SSUH2: variants seen among roughly 807,000 people sequenced by gnomAD.
SSUH2 encodes the protein protein SSUH2 homolog.
Under a neutral mutation model 55.3 loss-of-function variants are expected in SSUH2, and 47 were observed. That is an observed-to-expected ratio of 0.85 (90% confidence interval 0.67 to 1.08). The LOEUF (loss-of-function observed/expected upper bound fraction) is 1.08. Among genes scored for constraint, SSUH2 ranks in the 50% least tolerant of loss-of-function variants. SSUH2 has a pLI of 0.00. For synonymous variants in SSUH2, 212 were observed against 191.5 expected (o/e 1.11, Z -0.89); for missense variants, 535 against 490.7 (o/e 1.09, Z -0.85).
chr3:8,653,830 A>C (rs1337871104), intron 7 of SSUH2, among the ~76,000 whole-genome samples: 1 of 152,240 alleles, frequency 6.6e-6, no homozygotes, highest in Non-Finnish European at 1.5e-5. Flanking sequence ...GATCGGGAAC[A>C]GAACATGACC....
intron 5 of SSUH2, among the ~76,000 whole-genome samples, chr3:8,668,676 C>CTT (rs1334458365): frequency 1.3e-5 from 2 of 152,132 alleles, no homozygotes; most frequent in East Asian, 3.9e-4. Context: ...TCTTTTCAGC[C>CTT]TTTCACTGAA....
chr3:8,635,349 G>A lies in SSUH2; in HGVS notation c.160C>T (p.Pro54Ser), dbSNP rs1056129746. 1.3e-6 allele frequency: 2 copies of A among 1,535,938 alleles called. No individual in the cohort carries two copies. The highest frequency in any genetic ancestry group is 1.7e-6 in the Non-Finnish European group (2 of 1,146,866). Residue 54 changes from proline to serine, a missense_variant, in exon 3 of 12, where the codon CCA (proline) becomes TCA (serine). Pro to Ser is a moderately conservative substitution (Grantham distance 74, BLOSUM62 -1). Coordinates refer to ENST00000544814, the MANE Select transcript of SSUH2 (RefSeq NM_001256748.3). ...GACCTTTGCTCCTGGGGCCTCCCTG[G>A]GGCCTCCAAAGGTGGGAAGAATATC... ...GQIFFPPLEA[P>S]GRPQEQRSWP...
At chr3:8,623,688 T>A in intron 10 of SSUH2, 32 bp from the exon 11 acceptor site, 4 of 1,194,324 alleles carry the variant, frequency 3.3e-6, no homozygotes, top group Non-Finnish European at 4.7e-6. Context: ...ACAGACCACC[T>A]GGCTGCCGCA....
chr3:8,629,685 G>A lies in SSUH2; in HGVS notation c.567C>T (p.Ser189=), dbSNP rs780860039. 17 of 1,234,742 alleles carry A rather than the reference G, an allele frequency of 1.4e-5. No individual in the cohort carries two copies. Among genetic ancestry groups the A allele is most frequent in the African/African-American group, 2.8e-5 (2 of 70,772 alleles). 76.5% of individuals were successfully genotyped at this position (1,234,742 alleles called of 1,614,324 possible). A position where few individuals can be genotyped will look rare whatever the true frequency, so the allele number is the denominator to read the frequency against. Residue 189 remains serine, a synonymous_variant, in exon 7 of 12, where the codon AGC becomes AGT. Transcript: ENST00000544814. ...KCHGRGRYKC[S]GCHGAGTVRC... is the part of the protein sequence containing the mutation. ...TCACCGTGCCCGCCCCGTGGCAGCC[G>A]CTGCACTTGTACCGCCCACGCCCAT... is the stretch of plus-strand genomic sequence containing the variant.
At chr3:8,622,197 T>A (rs1255369205) in intron 11 of SSUH2, among the ~76,000 whole-genome samples, 1 of 152,132 alleles carries the variant, frequency 6.6e-6, no homozygotes, top group Non-Finnish European at 1.5e-5. Context: ...TTAGCATGAA[T>A]CTTTGTTACA....
At chr3:8,636,356 G>A (rs1699925890) in intron 1 of SSUH2, among the ~76,000 whole-genome samples, 1 of 152,084 alleles carries the variant, frequency 6.6e-6, no homozygotes, top group South Asian at 2.1e-4. Context: ...AGGTCCAGTT[G>A]AGTCCAGCCT....
chr3:8,638,926 G>A (rs958395229), intron 1 of SSUH2, among the ~76,000 whole-genome samples: 1 of 152,168 alleles, frequency 6.6e-6, no homozygotes, highest in African/African-American at 2.4e-5. Context: ...GCAATGTCCT[G>A]CTGGAAACCA....
intron 1 of SSUH2, among the ~76,000 whole-genome samples, chr3:8,636,811 G>GGGTGA (rs1169956063): frequency 2.0e-5 from 3 of 152,130 alleles, no homozygotes; most frequent in Admixed American, 6.5e-5. Context: ...TCTGCTTCAT[G>GGGTGA]GGTGACCCAA....
intron 1 of SSUH2, among the ~76,000 whole-genome samples, chr3:8,640,734 T>C (rs1232919179): frequency 1.3e-5 from 2 of 152,008 alleles, no homozygotes; most frequent in Non-Finnish European, 2.9e-5. Context: ...GAAAAAATAT[T>C]TGGGGAAGCA....
At chr3:8,647,904 T>G (rs1156899048), upstream of SSUH2, among the ~76,000 whole-genome samples, 6 of 152,196 alleles carry the variant, frequency 3.9e-5, no homozygotes, top group East Asian at 1.2e-3. Context: ...GAATCAAGTA[T>G]GGAGTGGAGG....
intron 8 of SSUH2, chr3:8,626,867 T>C (rs1027670044): frequency 1.3e-5 from 2 of 152,500 alleles, no homozygotes; most frequent in African/African-American, 4.8e-5. Context: ...CGGATCCAGC[T>C]GGGCCTGAAG....
intron 7 of SSUH2, among the ~76,000 whole-genome samples, chr3:8,649,919 C>A (rs373171462): frequency 6.6e-6 from 1 of 152,162 alleles, no homozygotes; most frequent in Non-Finnish European, 1.5e-5. Context: ...CCGTGCTCTG[C>A]GAGCGACCCC....
chr3:8,674,104 C>G (rs1704937650), intron 3 of SSUH2, among the ~76,000 whole-genome samples: 1 of 152,150 alleles, frequency 6.6e-6, no homozygotes, highest in African/African-American at 2.4e-5. Context: ...TGTTTGTAAA[C>G]AGGGATGCAG....
chr3:8,637,981 C>T (rs913170566), intron 1 of SSUH2, among the ~76,000 whole-genome samples: 6 of 152,206 alleles, frequency 3.9e-5, no homozygotes, highest in African/African-American at 1.2e-4. Flanking sequence ...ATAGAAGCTT[C>T]GTTCCAAGAA....
At chr3:8,681,716 G>A (rs1170676359) in intron 1 of SSUH2, among the ~76,000 whole-genome samples, 3 of 150,614 alleles carry the variant, frequency 2.0e-5, no homozygotes, top group African/African-American at 4.9e-5. Flanking sequence ...GCAGCGGGGG[G>A]AGGCACCCCC....
chr3:8,676,596 A>G (rs1202679467), intron 3 of SSUH2, among the ~76,000 whole-genome samples: 1 of 151,042 alleles, frequency 6.6e-6, no homozygotes, highest in Non-Finnish European at 1.5e-5. Flanking sequence ...GAAGAATATC[A>G]CAGCGTGGGT....
At chr3:8,665,635 A>G (rs1703921210) in intron 5 of SSUH2, among the ~76,000 whole-genome samples, 1 of 152,160 alleles carries the variant, frequency 6.6e-6, no homozygotes, top group Non-Finnish European at 1.5e-5. Context: ...TCTGCAACCC[A>G]AAGTCCCCCC....
At chr3:8,630,398 G>A (rs1698524532) in intron 6 of SSUH2, among the ~76,000 whole-genome samples, 1 of 152,178 alleles carries the variant, frequency 6.6e-6, no homozygotes, top group African/African-American at 2.4e-5. Context: ...GTCAGATTCT[G>A]TTTCCTTACT....
chr3:8,654,729 A>G (rs1575300139), intron 7 of SSUH2, among the ~76,000 whole-genome samples: 1 of 144,736 alleles, frequency 6.9e-6, no homozygotes, highest in South Asian at 2.3e-4. Context: ...CCTTCTCCCC[A>G]AGGTCTCAGT....
Sources: gnomAD v4.1 joint callset for allele counts (sites outside exome capture counted in the v4.1 genomes callset) on GRCh38, gnomAD v4.1.1 for gene constraint, MANE v1.5 for transcripts, NCBI Gene and HGNC (gene_info 2026-07-23, HGNC 2026-07-21) for gene names.